Variants in ERI1 observed in about 807,000 individuals in gnomAD.
ERI1 encodes 3'-5' exoribonuclease 1.
A neutral mutation model predicts 39.7 loss-of-function variants in ERI1; 39 were observed. The observed-to-expected ratio is 0.98, with a 90% CI of 0.76 to 1.28. The LOEUF is 1.28. Among genes scored for constraint, ERI1 ranks in the 50% most tolerant of loss-of-function variants. The pLI, the probability that ERI1 is intolerant of heterozygous loss-of-function variation, is 0.00. For synonymous variants in ERI1, 204 were observed against 149.6 expected, an observed-to-expected ratio of 1.36 and a Z score of -2.65; for missense variants, 581 against 416.9, an observed-to-expected ratio of 1.39 and a Z score of -3.43.
At chr8:9,003,213 C>G in intron 1 of ERI1, 42 bp downstream of exon 1, 1 of 1,194,194 alleles carries the variant, frequency 8.4e-7, no homozygotes, top group Non-Finnish European at 1.1e-6. Flanking sequence ...GCCAGCTGCC[C>G]CGTCCCCAAA....
chr8:9,062,748 G>C lies in ERI1; in HGVS notation n.299+42284G>C, dbSNP rs563873464. On this transcript the variant is annotated intron_variant and non_coding_transcript_variant, in intron 3 of 3. Transcript: ENST00000518663. Reference sequence around the variant, plus strand: ...GGGAAGGAGTCAGTCAGAGAGCCTTGGGCCAGAGTTCCAGGGGCTCTGGGA... The same window carrying C: ...GGGAAGGAGTCAGTCAGAGAGCCTTCGGCCAGAGTTCCAGGGGCTCTGGGA... 114 of 151,630 alleles carry C rather than the reference G, an allele frequency of 7.5e-4. 1 individual carries two copies. Among genetic ancestry groups the C allele is most frequent in the African/African-American group, 2.6e-3 (110 of 41,524 alleles). The allele number at this position is 151,630 out of a possible 1,614,324, so 9.4% of individuals were successfully genotyped here.
intron 5 of ERI1, among the ~76,000 whole-genome samples, chr8:9,019,866 C>G (rs764272242): frequency 6.6e-6 from 1 of 152,154 alleles, no homozygotes; most frequent in Non-Finnish European, 1.5e-5. Flanking sequence ...AACACAATTT[C>G]CATATTACAC....
chr8:9,038,517 T>C (rs902474606), intron 3 of ERI1, among the ~76,000 whole-genome samples: 2 of 152,202 alleles, frequency 1.3e-5, no homozygotes, highest in African/African-American at 2.4e-5. Context: ...CCTAACACTT[T>C]GGGAGGCTGA....
downstream of ERI1, among the ~76,000 whole-genome samples, chr8:9,033,619 T>G (rs952634666): frequency 2.0e-5 from 3 of 152,358 alleles, no homozygotes; most frequent in African/African-American, 7.2e-5. Context: ...TTAAGTACTT[T>G]ACTCCATTGT....
intron 3 of ERI1, among the ~76,000 whole-genome samples, chr8:9,069,830 A>G (rs1798992300): frequency 6.6e-6 from 1 of 152,242 alleles, no homozygotes; most frequent in African/African-American, 2.4e-5. Flanking sequence ...ATACTATTGA[A>G]CATATTATTT....
intron 3 of ERI1, among the ~76,000 whole-genome samples, chr8:9,062,318 G>A (rs1157960639): frequency 6.6e-6 from 1 of 151,984 alleles, no homozygotes; most frequent in East Asian, 2.0e-4. Flanking sequence ...GAATGCGAAG[G>A]AGGCTTTGAA....
downstream of ERI1, among the ~76,000 whole-genome samples, chr8:9,038,202 T>C (rs552762314): frequency 1.3e-3 from 196 of 152,328 alleles, no homozygotes; most frequent in African/African-American, 4.6e-3. Context: ...AATTCCTCTT[T>C]CTCCTGGAAC....
At chr8:9,020,893 C>A (rs1232906164) in intron 6 of ERI1, among the ~76,000 whole-genome samples, 4 of 152,208 alleles carry the variant, frequency 2.6e-5, no homozygotes, top group African/African-American at 9.6e-5. Flanking sequence ...CAAACACTTT[C>A]AACTTATGTA....
intron 3 of ERI1, among the ~76,000 whole-genome samples, chr8:9,013,203 C>T (rs1010635269): frequency 1.9e-4 from 29 of 151,538 alleles, no homozygotes; most frequent in Non-Finnish European, 1.9e-4. Context: ...TTAGTAGAGA[C>T]AGGGTTTCAT....
At position 9,062,372 on chromosome 8, in the gene ERI1, C is replaced by T. The variant is rs527799771; in HGVS notation, n.299+41908C>T. Among the ~76,000 whole-genome samples, 155 of 151,794 alleles carry T rather than the reference C, an allele frequency of 1.0e-3. 1 individual carries two copies. Among genetic ancestry groups the T allele is most frequent in the Middle Eastern group, 3.4e-3 (1 of 290 alleles). On this transcript the variant is annotated intron_variant and non_coding_transcript_variant, in intron 3 of 3. Coordinates refer to the ERI1 transcript ENST00000518663. Reference sequence around the variant, plus strand: ...ATGAGGTGTGGCTGTAGTCCAGGAACAGTCAGGGAAGCAGATAATTTAGTT... The same window carrying T: ...ATGAGGTGTGGCTGTAGTCCAGGAATAGTCAGGGAAGCAGATAATTTAGTT...
intron 3 of ERI1, among the ~76,000 whole-genome samples, chr8:9,078,298 T>G (rs1196898702): frequency 2.0e-5 from 3 of 152,120 alleles, no homozygotes; most frequent in Non-Finnish European, 2.9e-5. Flanking sequence ...CCTACCGCCC[T>G]GTGTTTTTTC....
chr8:9,008,286 T>C, intron 2 of ERI1, 138 bp downstream of exon 2: 1 of 752,696 alleles, frequency 1.3e-6, no homozygotes, highest in Non-Finnish European at 2.0e-6. Flanking sequence ...AAAAACTAAT[T>C]AACATTTTTT....
In ERI1 at chr8:9,011,675, G is replaced by A. The variant is rs1054332245; in HGVS notation, c.421G>A (p.Glu141Lys). 1 of 1,613,604 alleles carries A rather than the reference G, an allele frequency of 6.2e-7. No homozygotes were observed. The highest frequency in any genetic ancestry group is 1.3e-5 in the African/African-American group (1 of 74,930). ...TATTGACTTTGAAGCCACTTGTGAA[G>A]AAGGAAACCCACCTGAGTTTGTACA... ...CIIDFEATCE[E>K]GNPPEFVHEI... Residue 141 changes from glutamate to lysine, a missense_variant, in exon 3 of 7, where the codon GAA becomes AAA. Glu to Lys is a moderately conservative substitution (Grantham distance 56, BLOSUM62 1). Transcript: ENST00000250263.
At position 9,080,052 on chromosome 8, in the gene ERI1, G is replaced by A. The variant is rs144715868; in HGVS notation, n.300-36296G>A. 4.9e-3 allele frequency among the ~76,000 whole-genome samples: 741 copies of A among 151,758 alleles called. 5 individuals carry two copies. Among genetic ancestry groups the A allele is most frequent in the Non-Finnish European group, 4.4e-3 (298 of 67,966 alleles). On this transcript the variant is annotated intron_variant and non_coding_transcript_variant, in intron 3 of 3. Coordinates refer to the ERI1 transcript ENST00000518663. ...TAGGCTGATACAAAGTTGTTTGTCA[G>A]GAGCTGGCTTACAGGAATAACACTG...
At chr8:9,045,765 C>G (rs920930970) in intron 3 of ERI1, among the ~76,000 whole-genome samples, 4 of 151,498 alleles carry the variant, frequency 2.6e-5, no homozygotes, top group Non-Finnish European at 5.9e-5. Context: ...CGACCTCCAC[C>G]TCCCGGGTTC....
chr8:9,080,584 C>T (rs567280225), intron 3 of ERI1, among the ~76,000 whole-genome samples: 1 of 152,218 alleles, frequency 6.6e-6, no homozygotes, highest in Admixed American at 6.5e-5. Context: ...GATTTTCCTG[C>T]AGGTTTTCAC....
chr8:9,049,830 C>G (rs1253377890), intron 3 of ERI1: 1 of 152,212 alleles, frequency 6.6e-6, no homozygotes, highest in Admixed American at 6.5e-5. Context: ...GAGAGATAAC[C>G]TAGTCATTCA....
intron 3 of ERI1, among the ~76,000 whole-genome samples, chr8:9,047,805 T>A (rs539900103): frequency 6.6e-6 from 1 of 152,360 alleles, no homozygotes; most frequent in South Asian, 2.1e-4. Flanking sequence ...TTCCTATCAT[T>A]TTGTTTGAAG....
At chr8:9,026,142 C>G (rs1318068405) in intron 6 of ERI1, among the ~76,000 whole-genome samples, 1 of 152,190 alleles carries the variant, frequency 6.6e-6, no homozygotes, top group East Asian at 1.9e-4. Flanking sequence ...GGTGTGTAAT[C>G]TTCCACTTGT....
Sources: allele counts gnomAD v4.1 joint callset (sites outside exome capture counted in the v4.1 genomes callset), GRCh38; gene constraint gnomAD v4.1.1; transcripts MANE v1.5; gene names NCBI Gene and HGNC (gene_info 2026-07-23, HGNC 2026-07-21).